Variants in DOCK1 observed in about 807,000 individuals in gnomAD.
DOCK1 encodes dedicator of cytokinesis protein 1.
In DOCK1, 138 loss-of-function variants were observed where a neutral mutation model predicts 262.7. That is an observed-to-expected ratio of 0.53 (90% CI 0.46 to 0.61). The LOEUF is 0.61. DOCK1 is among the 20% of genes least tolerant of loss of function. DOCK1 has a pLI of 0.00. For synonymous variants in DOCK1, 866 were observed against 867.4 expected (o/e 1.00, Z 0.03); for missense variants, 1,908 against 2,370.7 (o/e 0.80, Z 4.05).
chr10:127,301,478 G>A (rs1200912991), intron 29 of DOCK1, among the ~76,000 whole-genome samples: 2 of 152,192 alleles, frequency 1.3e-5, no homozygotes, highest in South Asian at 2.1e-4. Context: ...GGAAAGAAGG[G>A]TGTTTACAAA....
chr10:127,296,684 T>G (rs931549043), intron 29 of DOCK1, among the ~76,000 whole-genome samples: 11 of 152,098 alleles, frequency 7.2e-5, no homozygotes, highest in Non-Finnish European at 5.9e-5. Context: ...CCTGGTCTAG[T>G]GGGTTGCACA....
At chr10:127,220,212 A>G (rs1441512225) in intron 27 of DOCK1, among the ~76,000 whole-genome samples, 1 of 151,834 alleles carries the variant, frequency 6.6e-6, no homozygotes, top group Admixed American at 6.6e-5. Context: ...TGATATTTAA[A>G]TATACCAGAG....
chr10:127,046,035 A>G (rs1260935048), intron 21 of DOCK1, among the ~76,000 whole-genome samples: 1 of 151,988 alleles, frequency 6.6e-6, no homozygotes, highest in Non-Finnish European at 1.5e-5. Context: ...GTCTAATTCC[A>G]GGTTAAGATA....
chr10:127,260,285 A>G (rs2059976443), intron 29 of DOCK1, among the ~76,000 whole-genome samples: 1 of 152,218 alleles, frequency 6.6e-6, no homozygotes, highest in African/African-American at 2.4e-5. Flanking sequence ...GAGAAGCCAC[A>G]GTGCTCAGTG....
intron 37 of DOCK1, among the ~76,000 whole-genome samples, chr10:127,383,470 A>G (rs534698875): frequency 6.6e-6 from 1 of 152,334 alleles, no homozygotes; most frequent in South Asian, 2.1e-4. Flanking sequence ...GAGTTTGTCC[A>G]ATTGTGATGG....
chr10:127,081,557 C>T lies in DOCK1; in HGVS notation c.2445+19781C>T, dbSNP rs369188217. Reference sequence around the variant, plus strand: ...GTGTTTCTGTCTTCACTCCTCTGTCCGCTTTCATCTCTTTCCTGGTGAGTC... The same window carrying T: ...GTGTTTCTGTCTTCACTCCTCTGTCTGCTTTCATCTCTTTCCTGGTGAGTC... On this transcript the variant is annotated intron_variant, in intron 23 of 51. Coordinates refer to ENST00000623213, the MANE Select transcript of DOCK1 (RefSeq NM_001290223.2). Among the ~76,000 whole-genome samples, 5 of 152,188 alleles carry T rather than the reference C, an allele frequency of 3.3e-5. No individual in the cohort carries two copies. The South Asian group carries it at 6.3e-4, about 19-fold the overall frequency.
chr10:127,010,783 TA>T (rs1219543344), intron 11 of DOCK1, among the ~76,000 whole-genome samples: 1 of 152,218 alleles, frequency 6.6e-6, no homozygotes, highest in Non-Finnish European at 1.5e-5. Flanking sequence ...ATTATAATAT[TA>T]AATTGCCTCA....
At chr10:127,208,017 G>A (rs1013583809) in intron 27 of DOCK1, among the ~76,000 whole-genome samples, 9 of 152,208 alleles carry the variant, frequency 5.9e-5, no homozygotes, top group East Asian at 1.9e-4. Context: ...AGGCTCACCC[G>A]GCCTCCTCTG....
chr10:127,217,587 G>T (rs77982338), intron 27 of DOCK1, among the ~76,000 whole-genome samples: 3,863 of 152,276 alleles, frequency 0.025, 140 homozygotes, highest in African/African-American at 0.083. Context: ...CCACATGGAA[G>T]TAATGATAAA....
intron 10 of DOCK1, chr10:127,000,993 C>G (rs752376053): frequency 6.5e-6 from 1 of 153,134 alleles, no homozygotes; most frequent in Non-Finnish European, 1.5e-5. Flanking sequence ...CCAATTATCT[C>G]TGTTGAGGAA....
chr10:127,101,173 G>C (rs763277019), intron 23 of DOCK1, among the ~76,000 whole-genome samples: 1 of 152,032 alleles, frequency 6.6e-6, no homozygotes, highest in Non-Finnish European at 1.5e-5. Flanking sequence ...GAAGCTTAGC[G>C]AGTTCCTTTC....
intron 1 of DOCK1, among the ~76,000 whole-genome samples, chr10:126,942,055 C>T (rs1027752413): frequency 3.9e-5 from 6 of 151,934 alleles, no homozygotes; most frequent in Non-Finnish European, 4.4e-5. Context: ...GACGGAGTCT[C>T]GCTCTGTCGC....
chr10:127,172,879 G>A (rs1339256705), intron 27 of DOCK1, among the ~76,000 whole-genome samples: 2 of 152,202 alleles, frequency 1.3e-5, no homozygotes, highest in African/African-American at 2.4e-5. Context: ...GAAATGTTCC[G>A]TAGCTGCACT....
chr10:126,951,445 GTTGGTAGTA>G (rs1323703908), intron 1 of DOCK1, among the ~76,000 whole-genome samples: 1 of 151,646 alleles, frequency 6.6e-6, no homozygotes, highest in Non-Finnish European at 1.5e-5. Context: ...TGTTGGTAGT[GTTGGTAGTA>G]TTGGTAGTAG....
At chr10:127,066,219 G>T (rs1001844180) in intron 23 of DOCK1, among the ~76,000 whole-genome samples, 1 of 151,860 alleles carries the variant, frequency 6.6e-6, no homozygotes, top group Admixed American at 6.6e-5. Flanking sequence ...TGCCCCCGCC[G>T]CCCCCAGCTG....
At chr10:127,034,012 A>G (rs532535506) in intron 18 of DOCK1, among the ~76,000 whole-genome samples, 2 of 152,254 alleles carry the variant, frequency 1.3e-5, no homozygotes, top group African/African-American at 4.8e-5. Context: ...GTGGTTGTGT[A>G]GTGGTCTCCA....
At chr10:127,236,739 T>A (rs928970944) in intron 27 of DOCK1, among the ~76,000 whole-genome samples, 2 of 152,070 alleles carry the variant, frequency 1.3e-5, no homozygotes, top group East Asian at 3.9e-4. Context: ...TTTGTGACTT[T>A]AAAATATTCT....
At chr10:127,246,808 G>A (rs1001443524) in intron 27 of DOCK1, among the ~76,000 whole-genome samples, 6 of 152,094 alleles carry the variant, frequency 3.9e-5, no homozygotes, top group Admixed American at 2.6e-4. Flanking sequence ...AGACATTTAG[G>A]CATTCTGATA....
chr10:127,217,637 T>A (rs1279040364), intron 27 of DOCK1, among the ~76,000 whole-genome samples: 1 of 152,234 alleles, frequency 6.6e-6, no homozygotes, highest in East Asian at 1.9e-4. Context: ...ACTAAAAATC[T>A]GAGCATATTC....
Sources: allele counts gnomAD v4.1 joint callset (sites outside exome capture counted in the v4.1 genomes callset), GRCh38; gene constraint gnomAD v4.1.1; transcripts MANE v1.5; gene names NCBI Gene and HGNC (gene_info 2026-07-23, HGNC 2026-07-21).